The following EIF4G3 variants were observed in gnomAD, a reference collection of about 807,000 sequenced individuals.
EIF4G3 encodes the protein eukaryotic translation initiation factor 4 gamma 3.
Under a neutral mutation model 186.4 loss-of-function variants are expected in EIF4G3, and 34 were observed. The ratio of observed to expected loss-of-function variants is 0.18; its 90% CI spans 0.14 to 0.24. The LOEUF is 0.24. EIF4G3 is among the 10% of genes least tolerant of loss of function. The pLI is 1.00. For synonymous variants in EIF4G3, 673 were observed against 679.5 expected (o/e 0.99, Z 0.15); for missense variants, 1,536 against 1,948.5 (o/e 0.79, Z 3.99).
At chr1:20,839,349 G>A (rs1041275794) in intron 30 of EIF4G3, among the ~76,000 whole-genome samples, 7 of 152,122 alleles carry the variant, frequency 4.6e-5, no homozygotes, top group African/African-American at 1.7e-4. Context: ...CTGACCTCGT[G>A]ATCTGCCCAC....
At chr1:20,815,064 C>A (rs1485492686) in intron 34 of EIF4G3, among the ~76,000 whole-genome samples, 1 of 75,222 alleles carries the variant, frequency 1.3e-5, no homozygotes, top group Non-Finnish European at 2.7e-5. Context: ...GGATTGCAGA[C>A]GGAGTCTCGT....
chr1:20,953,457 A>T (rs1380862087), intron 12 of EIF4G3, among the ~76,000 whole-genome samples: 8 of 152,220 alleles, frequency 5.3e-5, no homozygotes, highest in Non-Finnish European at 1.0e-4. Flanking sequence ...TATATACTAA[A>T]TTTAAAGTAT....
At chr1:21,054,153 T>C (rs1278374273) in intron 3 of EIF4G3, among the ~76,000 whole-genome samples, 2 of 151,908 alleles carry the variant, frequency 1.3e-5, no homozygotes, top group African/African-American at 2.4e-5. Context: ...TGGGATCCTG[T>C]TGATCTGTGA....
At chr1:20,998,440 C>T (rs1110240) in intron 6 of EIF4G3, among the ~76,000 whole-genome samples, 13,688 of 152,064 alleles carry the variant, frequency 0.09, 871 homozygotes, top group East Asian at 0.26. Context: ...TGTATATGTA[C>T]CTATTGTTAC....
At chr1:21,017,882 A>G (rs1484093931) in intron 4 of EIF4G3, among the ~76,000 whole-genome samples, 2 of 152,064 alleles carry the variant, frequency 1.3e-5, no homozygotes, top group Non-Finnish European at 2.9e-5. Context: ...TTAATGGACA[A>G]AAAGTTTCAG....
At chr1:20,935,962 A>G (rs1008049609) in intron 14 of EIF4G3, among the ~76,000 whole-genome samples, 4 of 152,212 alleles carry the variant, frequency 2.6e-5, no homozygotes, top group African/African-American at 9.6e-5. Flanking sequence ...TGAACAAAGT[A>G]TAACTACTCA....
chr1:21,119,778 G>A (rs1390918169), intron 2 of EIF4G3, among the ~76,000 whole-genome samples: 1 of 152,106 alleles, frequency 6.6e-6, no homozygotes, highest in East Asian at 1.9e-4. Flanking sequence ...ATACAAGGAT[G>A]TAAGGTAGAA....
At position 20,944,854 on chromosome 1, in the gene EIF4G3, T is replaced by C. The variant is rs867118421; in HGVS notation, c.824-2524A>G. On this transcript the variant is annotated intron_variant, in intron 13 of 36. Coordinates refer to ENST00000602326, the MANE Select transcript of EIF4G3 (RefSeq NM_001391906.1). ...GTCTCAAACTACAAGACCTCATTTC[T>C]ACAAGCTGGGCATGGTGGTGTGCAT... is the stretch of plus-strand genomic sequence containing the variant. Among the ~76,000 whole-genome samples the C allele has an allele frequency of 9.9e-5, 15 of 151,918 alleles. No homozygotes were observed. In the South Asian group the frequency reaches 2.1e-3, roughly 21 times the overall value.
At chr1:21,136,074 T>A (rs1021453106) in intron 2 of EIF4G3, among the ~76,000 whole-genome samples, 1 of 151,916 alleles carries the variant, frequency 6.6e-6, no homozygotes, top group Non-Finnish European at 1.5e-5. Flanking sequence ...TCCCAGCTAC[T>A]CGGGAGGCTG....
At chr1:21,151,851 C>T (rs2097557062) in intron 2 of EIF4G3, among the ~76,000 whole-genome samples, 1 of 152,132 alleles carries the variant, frequency 6.6e-6, no homozygotes, top group Non-Finnish European at 1.5e-5. Context: ...CAAGAAACTC[C>T]TAGGTCAAAC....
At chr1:20,898,308 A>G (rs1159631158) in intron 16 of EIF4G3, among the ~76,000 whole-genome samples, 1 of 152,130 alleles carries the variant, frequency 6.6e-6, no homozygotes, top group African/African-American at 2.4e-5. Context: ...TGGGCAACAT[A>G]GTGAGACCCT....
chr1:20,951,827 T>C (rs2096235661), intron 12 of EIF4G3, among the ~76,000 whole-genome samples: 1 of 152,104 alleles, frequency 6.6e-6, no homozygotes, highest in Non-Finnish European at 1.5e-5. Flanking sequence ...TTTAAGACAG[T>C]AAAAGGCTAC....
At chr1:20,992,559 T>A (rs1346844644) in intron 7 of EIF4G3, among the ~76,000 whole-genome samples, 23 of 152,218 alleles carry the variant, frequency 1.5e-4, no homozygotes, top group Non-Finnish European at 1.5e-5. Context: ...CTCCTGCTGA[T>A]AGTGTACGCT....
intron 2 of EIF4G3, among the ~76,000 whole-genome samples, chr1:21,136,353 C>G (rs2097246075): frequency 6.6e-6 from 1 of 151,874 alleles, no homozygotes; most frequent in African/African-American, 2.4e-5. Context: ...CCCATCTCTA[C>G]TAAAAACACA....
intron 2 of EIF4G3, among the ~76,000 whole-genome samples, chr1:21,126,606 T>C (rs1404928278): frequency 6.6e-6 from 1 of 151,790 alleles, no homozygotes; most frequent in Non-Finnish European, 1.5e-5. Flanking sequence ...CAGTGATCTA[T>C]GACCATGCCA....
At chr1:20,927,369 A>G (rs2094979653) in intron 14 of EIF4G3, among the ~76,000 whole-genome samples, 1 of 152,264 alleles carries the variant, frequency 6.6e-6, no homozygotes, top group Non-Finnish European at 1.5e-5. Context: ...TTTCAAGGCT[A>G]ATCTGGGAGC....
At chr1:20,851,520 C>T (rs1392955132) in intron 27 of EIF4G3, 42 bp from the exon 28 acceptor site, 1 of 1,576,280 alleles carries the variant, frequency 6.3e-7, no homozygotes, top group African/African-American at 1.3e-5. Flanking sequence ...AAGACAAGCC[C>T]ATGTCCCCCA....
rs138627501 is a variant in EIF4G3 at position 20,862,398 on chromosome 1, G to A, written c.3007-66C>T. On this transcript the variant is annotated intron_variant, in intron 22 of 36. Coordinates refer to ENST00000602326, the MANE Select transcript of EIF4G3 (RefSeq NM_001391906.1). Reference sequence around the variant, plus strand: ...TTAAACGTAATTTTACCAATTTACAGTTATTTATTTATGTAGTTATCTATT... The same window carrying A: ...TTAAACGTAATTTTACCAATTTACAATTATTTATTTATGTAGTTATCTATT... 29 of 1,003,788 alleles carry A rather than the reference G, an allele frequency of 2.9e-5. No homozygotes were observed. The South Asian group carries it at 4.1e-4, about 14-fold the overall frequency. The allele number at this position is 1,003,788 out of a possible 1,614,324, so 62.2% of individuals were successfully genotyped here. A position where few individuals can be genotyped will look rare whatever the true frequency, so the allele number is the denominator to read the frequency against.
At chr1:20,879,101 A>G (rs1432796008) in intron 20 of EIF4G3, among the ~76,000 whole-genome samples, 1 of 152,152 alleles carries the variant, frequency 6.6e-6, no homozygotes, top group Non-Finnish European at 1.5e-5. Context: ...GAATGGGCCC[A>G]TCTCATGCCC....
Sources: allele counts gnomAD v4.1 joint callset (sites outside exome capture counted in the v4.1 genomes callset), GRCh38; gene constraint gnomAD v4.1.1; transcripts MANE v1.5; gene names NCBI Gene and HGNC (gene_info 2026-07-23, HGNC 2026-07-21).